The following WWOX variants were observed in gnomAD, a reference collection of about 807,000 sequenced individuals.
The protein encoded by WWOX is WW domain-containing oxidoreductase.
Under a neutral mutation model 46.2 loss-of-function variants are expected in WWOX, and 69 were observed. That is an observed-to-expected ratio of 1.49 (90% CI 1.23 to 1.82). The LOEUF is 1.82. Ranked by LOEUF, WWOX falls within the 40% of genes most tolerant of loss-of-function variation. WWOX has a pLI of 0.00. For synonymous variants in WWOX, 359 were observed against 202.6 expected, an observed-to-expected ratio of 1.77 and a Z score of -6.56; for missense variants, 919 against 542.6, an observed-to-expected ratio of 1.69 and a Z score of -6.89.
At chr16:78,648,527 C>G (rs2046896244) in intron 8 of WWOX, among the ~76,000 whole-genome samples, 1 of 152,206 alleles carries the variant, frequency 6.6e-6, no homozygotes, top group African/African-American at 2.4e-5. Flanking sequence ...CCCACAAGCT[C>G]TGGAGCAGTC....
At chr16:78,903,386 C>T (rs940471684) in intron 8 of WWOX, among the ~76,000 whole-genome samples, 2 of 152,064 alleles carry the variant, frequency 1.3e-5, no homozygotes, top group Admixed American at 1.3e-4. Flanking sequence ...ACGAAGACTC[C>T]GCCTCCAGTC....
intron 5 of WWOX, among the ~76,000 whole-genome samples, chr16:78,373,931 C>T (rs537290051): frequency 2.6e-5 from 4 of 152,138 alleles, no homozygotes; most frequent in African/African-American, 4.8e-5. Flanking sequence ...GCATTAAATA[C>T]GTGTGCCACC....
intron 8 of WWOX, among the ~76,000 whole-genome samples, chr16:78,455,275 G>T (rs1275994551): frequency 6.6e-6 from 1 of 150,570 alleles, no homozygotes; most frequent in Non-Finnish European, 1.5e-5. Flanking sequence ...GCTGGGACAA[G>T]GACGATGGAC....
At chr16:78,768,151 G>T (rs1199575129) in intron 8 of WWOX, among the ~76,000 whole-genome samples, 1 of 113,454 alleles carries the variant, frequency 8.8e-6, no homozygotes, top group Non-Finnish European at 2.0e-5. Context: ...TTTTTAGGCT[G>T]CGGGGCGGGG....
At chr16:78,702,896 T>C (rs1345237901) in intron 8 of WWOX, among the ~76,000 whole-genome samples, 1 of 152,072 alleles carries the variant, frequency 6.6e-6, no homozygotes, top group East Asian at 1.9e-4. Flanking sequence ...GAGAGGGGGA[T>C]TATATAGGAG....
At chr16:78,645,428 A>G (rs749407133) in intron 8 of WWOX, among the ~76,000 whole-genome samples, 1 of 152,142 alleles carries the variant, frequency 6.6e-6, no homozygotes, top group African/African-American at 2.4e-5. Flanking sequence ...GTGTTGCTAT[A>G]AAGGAATGCC....
rs189081024 is a variant in WWOX at position 78,573,214 on chromosome 16, A to C, written c.1056+140462A>C. ...GGCAGGAGAATGGCGTGAACCCAGG[A>C]GGCAGAGCTTGCAGTGAGCCGAGAT... On this transcript the variant is annotated intron_variant, in intron 8 of 8. Transcript: ENST00000566780. Among the ~76,000 whole-genome samples, 826 of 152,296 alleles carry C rather than the reference A, an allele frequency of 5.4e-3. 8 individuals carry two copies. Among genetic ancestry groups the C allele is most frequent in the African/African-American group, 0.018 (746 of 41,584 alleles).
chr16:78,411,695 T>TC (rs1401347210), intron 6 of WWOX, among the ~76,000 whole-genome samples: 3 of 152,126 alleles, frequency 2.0e-5, no homozygotes, highest in Non-Finnish European at 2.9e-5. Context: ...TAACCAGTAT[T>TC]CATAAAAAGT....
chr16:78,371,980 C>G (rs1199751281), intron 5 of WWOX, among the ~76,000 whole-genome samples: 1 of 152,152 alleles, frequency 6.6e-6, no homozygotes, highest in Admixed American at 6.5e-5. Flanking sequence ...TGGAAATAGA[C>G]ATGTGAGTGT....
intron 8 of WWOX, among the ~76,000 whole-genome samples, chr16:79,186,835 ACCTTTTCT>A (rs1170833852): frequency 6.6e-6 from 1 of 151,828 alleles, no homozygotes; most frequent in African/African-American, 2.4e-5. Context: ...CACATTTCTC[ACCTTTTCT>A]CCTTTTCTCC....
chr16:78,131,217 T>A (rs1307309141), intron 4 of WWOX, among the ~76,000 whole-genome samples: 1 of 152,194 alleles, frequency 6.6e-6, no homozygotes, highest in Non-Finnish European at 1.5e-5. Context: ...ACATTTAAAT[T>A]GATTCGCTTT....
At chr16:78,866,950 A>C (rs970181799) in intron 8 of WWOX, among the ~76,000 whole-genome samples, 6 of 152,216 alleles carry the variant, frequency 3.9e-5, no homozygotes, top group Non-Finnish European at 5.9e-5. Context: ...CCTTGCCACC[A>C]GCTGCATAAA....
chr16:78,329,803 G>A (rs1483444251), intron 5 of WWOX, among the ~76,000 whole-genome samples: 2 of 150,174 alleles, frequency 1.3e-5, no homozygotes, highest in Non-Finnish European at 3.0e-5. Flanking sequence ...CTCAAGTGCA[G>A]TGGTAGAATC....
intron 8 of WWOX, among the ~76,000 whole-genome samples, chr16:78,902,169 G>A (rs892440053): frequency 6.6e-6 from 1 of 152,156 alleles, no homozygotes; most frequent in Non-Finnish European, 1.5e-5. Context: ...TGGAGAATCG[G>A]GCAGCCTGCA....
At chr16:78,824,994 G>A (rs1262387255) in intron 8 of WWOX, among the ~76,000 whole-genome samples, 2 of 152,104 alleles carry the variant, frequency 1.3e-5, no homozygotes, top group African/African-American at 4.8e-5. Context: ...CAGCGTTATA[G>A]CCATAAACAA....
At chr16:78,266,941 T>G (rs772999771) in intron 5 of WWOX, 3 of 152,032 alleles carry the variant, frequency 2.0e-5, no homozygotes, top group Admixed American at 6.6e-5. Flanking sequence ...GGACCCAAGG[T>G]GAGGTAACTG....
At chr16:78,858,401 A>G (rs996926145) in intron 8 of WWOX, among the ~76,000 whole-genome samples, 4 of 151,930 alleles carry the variant, frequency 2.6e-5, no homozygotes, top group African/African-American at 9.7e-5. Flanking sequence ...TATATGTATA[A>G]TGGCTGTCCA....
intron 8 of WWOX, among the ~76,000 whole-genome samples, chr16:78,871,792 G>T (rs931992980): frequency 6.6e-6 from 1 of 152,108 alleles, no homozygotes; most frequent in Non-Finnish European, 1.5e-5. Flanking sequence ...TTAGTAGAGA[G>T]GGGTTTCACC....
At chr16:78,679,917 T>C (rs572369116) in intron 8 of WWOX, among the ~76,000 whole-genome samples, 1 of 152,300 alleles carries the variant, frequency 6.6e-6, no homozygotes, top group South Asian at 2.1e-4. Flanking sequence ...CCGTAACCAA[T>C]GGCAGCTGAG....
Sources: allele counts gnomAD v4.1 joint callset (sites outside exome capture counted in the v4.1 genomes callset), GRCh38; gene constraint gnomAD v4.1.1; transcripts MANE v1.5; gene names NCBI Gene and HGNC (gene_info 2026-07-23, HGNC 2026-07-21).